ZFP82: variants seen among roughly 807,000 people sequenced by gnomAD.
ZFP82 encodes the protein ZFP82 zinc finger protein.
ZFP82 carries 30 observed loss-of-function variants against 54.0 expected under a neutral mutation model. The observed-to-expected ratio is 0.56, with a 90% CI of 0.42 to 0.75. The LOEUF (loss-of-function observed/expected upper bound fraction) is 0.75. ZFP82 is among the 30% of genes least tolerant of loss of function. The probability of loss-of-function intolerance (pLI) is 0.00; values close to 1 mark genes in which losing one functional copy is unlikely to be tolerated. For synonymous variants in ZFP82, 194 were observed against 209.5 expected (o/e 0.93, Z 0.64); for missense variants, 500 against 636.8 (o/e 0.79, Z 2.31).
At chr19:36,405,753 A>G (rs2032471318) in intron 3 of ZFP82, 81 bp from the exon 4 acceptor site, 1 of 1,016,462 alleles carries the variant, frequency 9.8e-7, no homozygotes, top group Non-Finnish European at 1.4e-6. Flanking sequence ...TGGTTAAAGT[A>G]TATGTCAAAA....
intron 1 of ZFP82, among the ~76,000 whole-genome samples, chr19:36,414,309 C>T (rs1320248434): frequency 6.6e-6 from 1 of 151,002 alleles, no homozygotes; most frequent in African/African-American, 2.4e-5. Context: ...GATTTTTCAG[C>T]ATTGCTCTTA....
chr19:36,393,662 A>G lies in ZFP82; in HGVS notation c.678T>C (p.Tyr226=). Residue 226 remains tyrosine, a synonymous_variant, in exon 5 of 5, where the codon TAT becomes TAC. Transcript: ENST00000392161. ...AAGCTTCCCCACATTCCTTACATTC[A>G]TAGAGTTTTTCACCAGAATGAAGTC... ...HQRLHSGEKL[Y]ECKECGEAFI... 2 of 1,614,090 alleles carry G rather than the reference A, an allele frequency of 1.2e-6. No individual in the cohort carries two copies. The highest frequency in any genetic ancestry group is 1.7e-6 in the Non-Finnish European group (2 of 1,180,012).
At chr19:36,385,204 G>C (rs1008193401), downstream of ZFP82, among the ~76,000 whole-genome samples, 3 of 152,066 alleles carry the variant, frequency 2.0e-5, no homozygotes, top group African/African-American at 7.3e-5. Flanking sequence ...CTTATAAAAG[G>C]GTGAGTTTGG....
intron 4 of ZFP82, chr19:36,396,068 T>C (rs2032288404): frequency 6.6e-6 from 1 of 151,230 alleles, no homozygotes; most frequent in African/African-American, 2.4e-5. Flanking sequence ...GCTATTTTTT[T>C]TTTTTTTTTG....
chr19:36,413,431 C>A (rs1329059727), intron 1 of ZFP82, among the ~76,000 whole-genome samples: 1 of 151,880 alleles, frequency 6.6e-6, no homozygotes, highest in Non-Finnish European at 1.5e-5. Context: ...GAATAATTTA[C>A]GACAACCTGA....
rs2032229093 is a variant in ZFP82, at chr19:36,393,045, C to A, written c.1295G>T (p.Arg432Ile). 6.2e-7 allele frequency: 1 copy of A among 1,614,060 alleles called. No homozygotes were observed. Among genetic ancestry groups the A allele is most frequent in the Non-Finnish European group, 8.5e-7 (1 of 1,180,018 alleles). ...YDCKECGKAF[R>I]LLSQLTQHQS... ...ATGCTGTGTGAGTTGTGAAAGTAGT[C>A]TGAAGGCCTTCCCGCATTCCTTACA... The change falls in exon 5 of 5, where the codon AGA (arginine) becomes ATA (isoleucine). Residue 432 changes from arginine to isoleucine, a missense_variant. Coordinates refer to ENST00000392161, the MANE Select transcript of ZFP82 (RefSeq NM_133466.4).
rs994506052 is a variant in ZFP82, at chr19:36,388,802, C to G, written c.*3939G>C. Among the ~76,000 whole-genome samples, 1 of 152,070 alleles carries G rather than the reference C, an allele frequency of 6.6e-6. No homozygotes were observed. Among genetic ancestry groups the G allele is most frequent in the Non-Finnish European group, 1.5e-5 (1 of 68,002 alleles). On this transcript the variant is annotated 3_prime_UTR_variant, in exon 5 of 5. Coordinates refer to ENST00000392161, the MANE Select transcript of ZFP82 (RefSeq NM_133466.4). Reference sequence around the variant, plus strand: ...TATTCACCTTAGTTTTTAAAAATTTCTAGCTTAAGTTAATCCTTATTTTTT... The same window carrying G: ...TATTCACCTTAGTTTTTAAAAATTTGTAGCTTAAGTTAATCCTTATTTTTT...
intron 2 of ZFP82, among the ~76,000 whole-genome samples, chr19:36,409,555 C>T (rs1261159348): frequency 1.3e-5 from 2 of 152,126 alleles, no homozygotes; most frequent in East Asian, 3.8e-4. Context: ...TAGCAGAAGA[C>T]TGAGCACATA....
chr19:36,393,668 T>C lies in ZFP82; in HGVS notation c.672A>G (p.Lys224=). 6.2e-7 allele frequency: 1 copy of C among 1,613,686 alleles called. No individual in the cohort carries two copies. The highest frequency in any genetic ancestry group is 8.5e-7 in the Non-Finnish European group (1 of 1,179,942). The stretch of plus-strand genomic sequence containing the variant: ...CCCCACATTCCTTACATTCATAGAG[T>C]TTTTCACCAGAATGAAGTCTCTGAT... ...TRHQRLHSGE[K]LYECKECGEA... The change falls in exon 5 of 5, where the codon AAA becomes AAG. Residue 224 remains lysine, a synonymous_variant. Transcript: ENST00000392161.
rs1205759396 is a variant in ZFP82 at position 36,389,357 on chromosome 19, T to TA, written c.*3383dup. Among the ~76,000 whole-genome samples, 1 of 152,134 alleles carries TA rather than the reference T, an allele frequency of 6.6e-6. No individual in the cohort carries two copies. The highest frequency in any genetic ancestry group is 1.5e-5 in the Non-Finnish European group (1 of 68,002). ...CTGGCCCAAACTTGATTTTCTACTT[T>TA]AAAAAACTTTATTATGGAAAATTTA... On this transcript the variant is annotated 3_prime_UTR_variant, in exon 5 of 5. Transcript: ENST00000392161.
At chr19:36,400,902 T>G (rs2385804) in intron 4 of ZFP82, among the ~76,000 whole-genome samples, 1 of 151,906 alleles carries the variant, frequency 6.6e-6, no homozygotes, top group Non-Finnish European at 1.5e-5. Flanking sequence ...TCACTCCACT[T>G]GGGCTTTCAT....
At chr19:36,413,502 C>T (rs186158141) in intron 1 of ZFP82, among the ~76,000 whole-genome samples, 1 of 152,078 alleles carries the variant, frequency 6.6e-6, no homozygotes, top group Non-Finnish European at 1.5e-5. Context: ...TATTATAGCA[C>T]ATTATGCAAT....
At chr19:36,398,729 C>T (rs1005376633) in intron 4 of ZFP82, among the ~76,000 whole-genome samples, 1 of 152,110 alleles carries the variant, frequency 6.6e-6, no homozygotes, top group Non-Finnish European at 1.5e-5. Flanking sequence ...TCTGTCACCA[C>T]AGCTGGAGTG....
intron 4 of ZFP82, among the ~76,000 whole-genome samples, chr19:36,398,001 C>T (rs553620628): frequency 6.6e-6 from 1 of 152,282 alleles, no homozygotes; most frequent in South Asian, 2.1e-4. Context: ...AGAATGTGAT[C>T]AGACTTACCA....
chr19:36,417,468 T>C (rs896350960), intron 1 of ZFP82, among the ~76,000 whole-genome samples: 1 of 152,120 alleles, frequency 6.6e-6, no homozygotes, highest in African/African-American at 2.4e-5. Flanking sequence ...AAGAATGCAT[T>C]TCACAGAAGA....
intron 4 of ZFP82, among the ~76,000 whole-genome samples, chr19:36,398,777 G>A (rs954088311): frequency 3.3e-5 from 5 of 152,052 alleles, no homozygotes; most frequent in East Asian, 1.9e-4. Context: ...CCTCTAACTC[G>A]TGGGCTCAAG....
At chr19:36,397,160 T>C (rs907971299) in intron 4 of ZFP82, among the ~76,000 whole-genome samples, 44 of 151,616 alleles carry the variant, frequency 2.9e-4, no homozygotes, top group East Asian at 2.3e-3. Flanking sequence ...TGGCGCAATC[T>C]TGGATCGCTG....
At position 36,389,216 on chromosome 19, in the gene ZFP82, T is replaced by G. The variant is rs1169861745; in HGVS notation, c.*3525A>C. 6.6e-6 allele frequency among the ~76,000 whole-genome samples: 1 copy of G among 152,074 alleles called. No homozygotes were observed. Among genetic ancestry groups the G allele is most frequent in the African/African-American group, 2.4e-5 (1 of 41,390 alleles). On this transcript the variant is annotated 3_prime_UTR_variant, in exon 5 of 5. Transcript: ENST00000392161. ...CCATGTCCAGCTAATTTTTGTATTT[T>G]TAGTAGAGACAGAGTTTCACCATGT...
chr19:36,395,429 T>A (rs1409898002), intron 4 of ZFP82: 3 of 152,216 alleles, frequency 2.0e-5, no homozygotes, highest in East Asian at 1.9e-4. Context: ...CACGTCTATA[T>A]CTTACTGAAG....
Sources: allele counts gnomAD v4.1 joint callset (sites outside exome capture counted in the v4.1 genomes callset), GRCh38; gene constraint gnomAD v4.1.1; transcripts MANE v1.5; gene names NCBI Gene and HGNC (gene_info 2026-07-23, HGNC 2026-07-21).